GDA: variants seen among roughly 807,000 people sequenced by gnomAD.
The protein encoded by GDA is cytoplasmic PSD-95 interactor.
A neutral mutation model predicts 59.6 loss-of-function variants in GDA; 18 were observed. The ratio of observed to expected loss-of-function variants is 0.30; its 90% CI spans 0.21 to 0.45. The LOEUF is 0.45. GDA is among the 20% of genes least tolerant of loss of function. The pLI is 1.00. For synonymous variants in GDA, 201 were observed against 201.1 expected, an observed-to-expected ratio of 1.00 and a Z score of 0.00; for missense variants, 427 against 552.3, an observed-to-expected ratio of 0.77 and a Z score of 2.27.
intron 1 of GDA, among the ~76,000 whole-genome samples, chr9:72,135,902 C>T (rs919007111): frequency 2.6e-5 from 4 of 151,996 alleles, no homozygotes; most frequent in South Asian, 2.1e-4. Flanking sequence ...TGAGCCACCA[C>T]GCGGGGCCTG....
chr9:72,176,723 G>C (rs1830577056), intron 1 of GDA, among the ~76,000 whole-genome samples: 1 of 152,196 alleles, frequency 6.6e-6, no homozygotes, highest in Non-Finnish European at 1.5e-5. Context: ...ATTAAAGCTA[G>C]TTCTGCTACT....
At chr9:72,170,717 T>C (rs1829858785) in intron 1 of GDA, among the ~76,000 whole-genome samples, 1 of 152,052 alleles carries the variant, frequency 6.6e-6, no homozygotes, top group Admixed American at 6.6e-5. Flanking sequence ...TTTTAAGGAG[T>C]GCTTGCTGTG....
At chr9:72,165,790 T>G (rs550481654) in intron 1 of GDA, among the ~76,000 whole-genome samples, 1 of 128,784 alleles carries the variant, frequency 7.8e-6, no homozygotes, top group East Asian at 2.0e-4. Context: ...CCCAGCTACT[T>G]GGGAGGCTGA....
chr9:72,243,966 G>T (rs949699999), intron 11 of GDA, among the ~76,000 whole-genome samples: 1 of 152,052 alleles, frequency 6.6e-6, no homozygotes, highest in Non-Finnish European at 1.5e-5. Context: ...GCGAGGTTAG[G>T]AGATCGAGAC....
rs559398292 is a variant in GDA at position 72,157,296 on chromosome 9, C to T, written c.123+7614C>T. On this transcript the variant is annotated intron_variant, in intron 1 of 13. Transcript: ENST00000358399. The stretch of plus-strand genomic sequence containing the variant: ...CCTCAGGTGATCCACCCACCTTGGC[C>T]TCCCAAAGTGTTGGGATTACAGGCG... 2.8e-4 allele frequency among the ~76,000 whole-genome samples: 43 copies of T among 152,270 alleles called. 2 individuals are homozygous for T. In the South Asian group the frequency reaches 8.9e-3, roughly 32 times the overall value.
chr9:72,229,461 C>G (rs1838065451), intron 9 of GDA, among the ~76,000 whole-genome samples: 1 of 152,168 alleles, frequency 6.6e-6, no homozygotes, highest in Non-Finnish European at 1.5e-5. Flanking sequence ...CCACTGTGGG[C>G]TCCCGGAGTT....
intron 5 of GDA, 71 bp downstream of exon 5, chr9:72,214,062 G>A: frequency 2.3e-6 from 2 of 854,342 alleles, no homozygotes; most frequent in Admixed American, 1.9e-5. Context: ...GTTAGAGATG[G>A]AAAAAGGAAA....
intron 1 of GDA, among the ~76,000 whole-genome samples, chr9:72,180,122 G>C (rs981897053): frequency 1.3e-5 from 2 of 152,108 alleles, no homozygotes; most frequent in Non-Finnish European, 2.9e-5. Flanking sequence ...ACTTTGGGAG[G>C]CCAAGAGGAG....
rs958783692 is a variant in GDA at position 72,132,422 on chromosome 9, G to C, written c.-100+17589G>C. Among the ~76,000 whole-genome samples the C allele has an allele frequency of 5.3e-5, 8 of 152,238 alleles. No homozygotes were observed. The East Asian group carries it at 1.5e-3, about 29-fold the overall frequency. ...GTGCACACTGTAGGATGGCTCCTAGGACCATGGAAAAAACAATGCCTCATA... is the reference window on the plus strand; with the variant it reads ...GTGCACACTGTAGGATGGCTCCTAGCACCATGGAAAAAACAATGCCTCATA... On this transcript the variant is annotated intron_variant, in intron 1 of 13. Coordinates refer to the GDA transcript ENST00000545168.
At chr9:72,161,393 T>C (rs1244119438) in intron 1 of GDA, among the ~76,000 whole-genome samples, 1 of 152,224 alleles carries the variant, frequency 6.6e-6, no homozygotes, top group Non-Finnish European at 1.5e-5. Context: ...CACCACAGGA[T>C]AACCAGGTTA....
downstream of GDA, among the ~76,000 whole-genome samples, chr9:72,258,421 C>T (rs575144907): frequency 3.3e-5 from 5 of 152,202 alleles, no homozygotes; most frequent in East Asian, 3.8e-4. Context: ...AAGATGACTT[C>T]GTGGACTGGA....
At chr9:72,157,700 G>T (rs936968047) in intron 1 of GDA, among the ~76,000 whole-genome samples, 1 of 152,148 alleles carries the variant, frequency 6.6e-6, no homozygotes, top group African/African-American at 2.4e-5. Flanking sequence ...ACCATGGGTA[G>T]TATCATGTAT....
At chr9:72,200,396 C>T (rs1182896885) in intron 2 of GDA, among the ~76,000 whole-genome samples, 1 of 151,522 alleles carries the variant, frequency 6.6e-6, no homozygotes, top group Non-Finnish European at 1.5e-5. Flanking sequence ...CTCTTTTTCT[C>T]CTTCTCCTCC....
intron 7 of GDA, among the ~76,000 whole-genome samples, 169 bp from the exon 8 acceptor site, chr9:72,225,508 T>G (rs1837441829): frequency 6.6e-6 from 1 of 152,216 alleles, no homozygotes; most frequent in South Asian, 2.1e-4. Flanking sequence ...ATATTATCTA[T>G]GATGAATATA....
chr9:72,191,356 A>G (rs1391908777), intron 1 of GDA, among the ~76,000 whole-genome samples: 4 of 152,212 alleles, frequency 2.6e-5, no homozygotes, highest in Admixed American at 2.6e-4. Flanking sequence ...ATGTTAAGTA[A>G]AAGACAATGG....
chr9:72,133,303 A>T (rs908508648), intron 1 of GDA, among the ~76,000 whole-genome samples: 9 of 102,656 alleles, frequency 8.8e-5, no homozygotes, highest in Admixed American at 5.1e-4. Context: ...AAAAAAAAAA[A>T]AAAAAAATAA....
intron 2 of GDA, among the ~76,000 whole-genome samples, chr9:72,199,195 T>C (rs1025234376): frequency 4.6e-5 from 7 of 152,170 alleles, no homozygotes; most frequent in African/African-American, 1.7e-4. Context: ...TTGTTCTCTC[T>C]ATAAAATGAG....
At chr9:72,153,196 T>A (rs916061391) in intron 1 of GDA, among the ~76,000 whole-genome samples, 2 of 151,978 alleles carry the variant, frequency 1.3e-5, no homozygotes, top group African/African-American at 4.8e-5. Context: ...TACTGTAGCC[T>A]TGTAGTATAG....
intron 1 of GDA, among the ~76,000 whole-genome samples, chr9:72,143,385 T>A (rs1564155962): frequency 1.3e-5 from 2 of 152,024 alleles, no homozygotes; most frequent in South Asian, 4.2e-4. Flanking sequence ...TGCCTAGGCC[T>A]CCCAAAGTGC....
Sources: gnomAD v4.1 joint callset for allele counts (sites outside exome capture counted in the v4.1 genomes callset) on GRCh38, gnomAD v4.1.1 for gene constraint, MANE v1.5 for transcripts, NCBI Gene and HGNC (gene_info 2026-07-23, HGNC 2026-07-21) for gene names.